The following EYS variants were observed in gnomAD, a reference collection of about 807,000 sequenced individuals.
The protein encoded by EYS is protein eyes shut homolog.
Under a neutral mutation model 282.1 loss-of-function variants are expected in EYS, and 250 were observed. The observed-to-expected ratio is 0.89, with a 90% CI of 0.80 to 0.98. EYS has a LOEUF of 0.98. Among genes scored for constraint, EYS ranks in the 50% least tolerant of loss-of-function variants. The pLI is 0.00. For synonymous variants in EYS, 1,355 were observed against 1,282.9 expected (o/e 1.06, Z -1.20); for missense variants, 4,016 against 3,709.0 (o/e 1.08, Z -2.15).
chr6:64,036,051 T>A (rs991278053), intron 33 of EYS, among the ~76,000 whole-genome samples: 2 of 152,248 alleles, frequency 1.3e-5, no homozygotes, highest in African/African-American at 4.8e-5. Context: ...TTGTTCTTTC[T>A]GTAATAACCA....
chr6:63,850,924 A>C (rs1772230816), intron 36 of EYS, among the ~76,000 whole-genome samples: 1 of 152,236 alleles, frequency 6.6e-6, no homozygotes, highest in African/African-American at 2.4e-5. Context: ...TGTATTCAGG[A>C]GACCCATCTC....
At chr6:64,922,852 C>G (rs1768392903) in intron 15 of EYS, among the ~76,000 whole-genome samples, 1 of 152,132 alleles carries the variant, frequency 6.6e-6, no homozygotes, top group South Asian at 2.1e-4. Context: ...ACGGAGGACA[C>G]AGAGCAGTGG....
chr6:64,613,884 C>T (rs954576014), intron 24 of EYS, among the ~76,000 whole-genome samples: 2 of 152,148 alleles, frequency 1.3e-5, no homozygotes, highest in Non-Finnish European at 2.9e-5. Flanking sequence ...TTCTGTTCCT[C>T]TTAACAAGGC....
chr6:65,583,666 A>G (rs544467984), intron 2 of EYS, among the ~76,000 whole-genome samples: 1 of 152,176 alleles, frequency 6.6e-6, no homozygotes, highest in Admixed American at 6.6e-5. Context: ...TACATTCATA[A>G]ATGAACCTGC....
intron 19 of EYS, among the ~76,000 whole-genome samples, chr6:64,826,733 T>C (rs1765072391): frequency 6.7e-6 from 1 of 150,190 alleles, no homozygotes; most frequent in African/African-American, 2.4e-5. Context: ...TTTCAGACTG[T>C]GTTTTTTTTT....
intron 15 of EYS, among the ~76,000 whole-genome samples, chr6:64,917,050 A>G (rs1768188413): frequency 6.6e-6 from 1 of 152,176 alleles, no homozygotes; most frequent in South Asian, 2.1e-4. Flanking sequence ...GGAAATCAAG[A>G]CCATCCTGGT....
chr6:64,171,818 C>T (rs1165582090), intron 31 of EYS, among the ~76,000 whole-genome samples: 1 of 152,142 alleles, frequency 6.6e-6, no homozygotes, highest in Non-Finnish European at 1.5e-5. Flanking sequence ...GGGTTCTATA[C>T]CCTTATTAAG....
intron 35 of EYS, among the ~76,000 whole-genome samples, chr6:63,947,459 G>A (rs1200014087): frequency 2.0e-5 from 3 of 151,760 alleles, no homozygotes; most frequent in Admixed American, 6.6e-5. Flanking sequence ...ACTGCTATTA[G>A]CCTACATTTT....
At position 64,504,106 on chromosome 6, in the gene EYS, A is replaced by C. The variant is rs144973232; in HGVS notation, c.5645-64754T>G. 2.0e-5 allele frequency among the ~76,000 whole-genome samples: 3 copies of C among 152,318 alleles called. No homozygotes were observed. The East Asian group carries it at 5.8e-4, about 29-fold the overall frequency. On this transcript the variant is annotated intron_variant, in intron 26 of 42. Transcript: ENST00000503581. ...ATTACACAGTCTCAAGTAGTTCCCT[A>C]TAACAGTGTGAGAGGAGACTAAAAG... is the stretch of plus-strand genomic sequence containing the variant.
intron 22 of EYS, among the ~76,000 whole-genome samples, chr6:64,660,068 A>G (rs1255463320): frequency 6.6e-6 from 1 of 152,214 alleles, no homozygotes; most frequent in Non-Finnish European, 1.5e-5. Flanking sequence ...CCTGGGATGC[A>G]AGGCTGGTTC....
intron 12 of EYS, among the ~76,000 whole-genome samples, chr6:65,178,368 A>G (rs1267528820): frequency 6.6e-6 from 1 of 151,948 alleles, no homozygotes; most frequent in African/African-American, 2.4e-5. Flanking sequence ...CCAGCCTCTG[A>G]CAGTTGACCA....
At chr6:64,159,472 A>G (rs753433175) in intron 31 of EYS, among the ~76,000 whole-genome samples, 5 of 150,816 alleles carry the variant, frequency 3.3e-5, no homozygotes, top group Admixed American at 6.6e-5. Flanking sequence ...AAGCAGGACA[A>G]TGGCGTGAAC....
chr6:64,475,407 C>T lies in EYS; in HGVS notation c.5645-36055G>A, dbSNP rs1304948168. Among the ~76,000 whole-genome samples, 4 of 121,516 alleles carry T rather than the reference C, an allele frequency of 3.3e-5. 1 individual carries two copies. Among genetic ancestry groups the T allele is most frequent in the African/African-American group, 1.2e-4 (4 of 34,628 alleles). 79.7% of individuals were successfully genotyped at this position (121,516 alleles called of 152,430 possible). The stretch of plus-strand genomic sequence containing the variant: ...TCTACTAAAAATACAAAAAATTAGC[C>T]GGGCGTAGTGGCGGGCGCCTGTAGT... On this transcript the variant is annotated intron_variant, in intron 26 of 42. Coordinates refer to ENST00000503581, the MANE Select transcript of EYS (RefSeq NM_001142800.2).
At chr6:64,791,600 C>A (rs1774193815) in intron 22 of EYS, among the ~76,000 whole-genome samples, 1 of 151,842 alleles carries the variant, frequency 6.6e-6, no homozygotes, top group African/African-American at 2.4e-5. Flanking sequence ...TAGAAAAAGG[C>A]AGCATACAAC....
At chr6:64,464,954 T>TA (rs1562010215) in intron 26 of EYS, among the ~76,000 whole-genome samples, 1 of 151,732 alleles carries the variant, frequency 6.6e-6, no homozygotes, top group Admixed American at 6.6e-5. Context: ...CATTTAAAAA[T>TA]AAAACGAAAA....
chr6:64,952,739 G>A (rs1195508279), intron 14 of EYS, among the ~76,000 whole-genome samples: 1 of 151,928 alleles, frequency 6.6e-6, no homozygotes, highest in Non-Finnish European at 1.5e-5. Context: ...TTTAAAGCAT[G>A]TTAGTTACTT....
intron 39 of EYS, among the ~76,000 whole-genome samples, chr6:63,787,829 C>T (rs1393051661): frequency 6.6e-6 from 1 of 152,056 alleles, no homozygotes; most frequent in Non-Finnish European, 1.5e-5. Context: ...ATCCCAGCTA[C>T]TAGGGAGGCT....
intron 30 of EYS, among the ~76,000 whole-genome samples, chr6:64,244,324 T>C (rs1181685251): frequency 6.6e-6 from 1 of 152,198 alleles, no homozygotes; most frequent in African/African-American, 2.4e-5. Flanking sequence ...CATTTTGTAA[T>C]GTTTTCATTG....
At chr6:64,811,157 T>C (rs78313814) in intron 22 of EYS, among the ~76,000 whole-genome samples, 3,608 of 152,126 alleles carry the variant, frequency 0.024, 149 homozygotes, top group African/African-American at 0.083. Context: ...AAGGACTGTG[T>C]TGATTTGGCA....
Sources: gnomAD v4.1 joint callset for allele counts (sites outside exome capture counted in the v4.1 genomes callset) on GRCh38, gnomAD v4.1.1 for gene constraint, MANE v1.5 for transcripts, NCBI Gene and HGNC (gene_info 2026-07-23, HGNC 2026-07-21) for gene names.